Variants in CNTNAP5 observed in about 807,000 individuals in gnomAD.
CNTNAP5 encodes the protein contactin associated protein family member 5.
CNTNAP5 carries 72 observed loss-of-function variants against 150.2 expected under a neutral mutation model. The ratio of observed to expected loss-of-function variants is 0.48; its 90% CI spans 0.40 to 0.58. The LOEUF is 0.58. Ranked by LOEUF, CNTNAP5 falls within the 20% of genes least tolerant of loss-of-function variation. The pLI, the probability that CNTNAP5 is intolerant of heterozygous loss-of-function variation, is 0.00. For missense variants in CNTNAP5, 1,636 were observed against 1,626.2 expected (o/e 1.01, Z -0.10); for synonymous variants, 672 against 619.8 (o/e 1.08, Z -1.25).
At chr2:124,062,603 A>G (rs1682041675) in intron 1 of CNTNAP5, among the ~76,000 whole-genome samples, 1 of 152,200 alleles carries the variant, frequency 6.6e-6, no homozygotes. Flanking sequence ...GCTCCAGAGC[A>G]TAGTAGATGC....
At chr2:124,176,008 AATGTGGAAACGAACACACTAGT>A (rs1685054795) in intron 1 of CNTNAP5, among the ~76,000 whole-genome samples, 1 of 152,186 alleles carries the variant, frequency 6.6e-6, no homozygotes, top group Non-Finnish European at 1.5e-5. Flanking sequence ...TATAAATTAA[AATGTGGAAACGAACACACTAGT>A]TTGGTAGTCC....
chr2:124,437,555 A>G (rs777611614), intron 5 of CNTNAP5, among the ~76,000 whole-genome samples: 7 of 152,206 alleles, frequency 4.6e-5, no homozygotes, highest in Non-Finnish European at 1.0e-4. Context: ...TAATATAAAA[A>G]AAAGAAAAAT....
intron 13 of CNTNAP5, among the ~76,000 whole-genome samples, chr2:124,685,194 G>C (rs1179301862): frequency 6.6e-6 from 1 of 152,142 alleles, no homozygotes; most frequent in Non-Finnish European, 1.5e-5. Flanking sequence ...GATACTTCTT[G>C]TAATTCTGAC....
chr2:124,479,643 C>T (rs967750835), intron 7 of CNTNAP5, among the ~76,000 whole-genome samples: 7 of 152,164 alleles, frequency 4.6e-5, no homozygotes, highest in African/African-American at 1.2e-4. Context: ...ATGGCCAATA[C>T]TAAGCCAATA....
intron 3 of CNTNAP5, among the ~76,000 whole-genome samples, chr2:124,270,761 CA>C (rs34887572): frequency 6.6e-6 from 1 of 151,962 alleles, no homozygotes; most frequent in Non-Finnish European, 1.5e-5. Flanking sequence ...ATTCCTTATC[CA>C]AAAAAGTCAT....
chr2:124,165,414 A>C (rs1453720749), intron 1 of CNTNAP5, among the ~76,000 whole-genome samples: 1 of 152,164 alleles, frequency 6.6e-6, no homozygotes, highest in African/African-American at 2.4e-5. Context: ...AAGGTTTTGA[A>C]CTGGTTCCCT....
At chr2:124,713,996 TG>T (rs764377840) in intron 13 of CNTNAP5, among the ~76,000 whole-genome samples, 2 of 152,100 alleles carry the variant, frequency 1.3e-5, no homozygotes, top group Non-Finnish European at 2.9e-5. Context: ...TTTGCACATG[TG>T]GTTATTATTA....
intron 6 of CNTNAP5, among the ~76,000 whole-genome samples, chr2:124,450,618 C>T (rs1692945889): frequency 6.8e-6 from 1 of 147,532 alleles, no homozygotes; most frequent in African/African-American, 2.5e-5. Context: ...ATTAAAATGT[C>T]TTCTCAGTTT....
At chr2:124,376,450 G>T (rs754209088) in intron 3 of CNTNAP5, among the ~76,000 whole-genome samples, 1 of 152,066 alleles carries the variant, frequency 6.6e-6, no homozygotes, top group African/African-American at 2.4e-5. Context: ...AGAATAGAAG[G>T]TCTCTGAGAT....
intron 13 of CNTNAP5, among the ~76,000 whole-genome samples, chr2:124,693,827 C>CA (rs140893750): frequency 0.14 from 13,549 of 100,254 alleles, 856 homozygotes; most frequent in Non-Finnish European, 0.19. Flanking sequence ...CAAAAGAAAG[C>CA]AAAAAAAAAA....
At chr2:124,632,144 C>G (rs971418514) in intron 12 of CNTNAP5, among the ~76,000 whole-genome samples, 1 of 152,094 alleles carries the variant, frequency 6.6e-6, no homozygotes, top group African/African-American at 2.4e-5. Flanking sequence ...GACAGTGTGG[C>G]AATTCCTCAA....
intron 1 of CNTNAP5, among the ~76,000 whole-genome samples, chr2:124,172,856 C>A (rs947655074): frequency 6.6e-6 from 1 of 151,888 alleles, no homozygotes; most frequent in East Asian, 1.9e-4. Flanking sequence ...ATACAGGGCA[C>A]CTCACTTTTT....
chr2:124,445,854 T>C (rs1460252182), intron 5 of CNTNAP5, among the ~76,000 whole-genome samples: 1 of 152,190 alleles, frequency 6.6e-6, no homozygotes, highest in Non-Finnish European at 1.5e-5. Flanking sequence ...TAATTGTTCA[T>C]TTTGCTAAGG....
At chr2:124,260,339 T>A (rs995964065) in intron 3 of CNTNAP5, among the ~76,000 whole-genome samples, 2 of 152,200 alleles carry the variant, frequency 1.3e-5, no homozygotes, top group Non-Finnish European at 2.9e-5. Flanking sequence ...ACTGGATCCC[T>A]TCCTTACACC....
intron 14 of CNTNAP5, among the ~76,000 whole-genome samples, chr2:124,750,557 G>GGC (rs1680702056): frequency 6.6e-6 from 1 of 152,172 alleles, no homozygotes; most frequent in African/African-American, 2.4e-5. Context: ...CTGTGTGCCA[G>GGC]ACGGATAGTC....
At chr2:124,278,937 G>A (rs1687950015) in intron 3 of CNTNAP5, among the ~76,000 whole-genome samples, 1 of 152,108 alleles carries the variant, frequency 6.6e-6, no homozygotes, top group African/African-American at 2.4e-5. Flanking sequence ...TAGGATGTAT[G>A]TAGAATTTGT....
At chr2:124,037,292 A>C (rs1212880117) in intron 1 of CNTNAP5, among the ~76,000 whole-genome samples, 1 of 152,216 alleles carries the variant, frequency 6.6e-6, no homozygotes, top group African/African-American at 2.4e-5. Context: ...CACTAAGTGC[A>C]GTATTTTTAT....
intron 6 of CNTNAP5, among the ~76,000 whole-genome samples, chr2:124,466,833 C>T (rs1048801496): frequency 1.3e-5 from 2 of 152,140 alleles, no homozygotes; most frequent in African/African-American, 4.8e-5. Context: ...ATACAATCTC[C>T]ATTCAGTATC....
intron 3 of CNTNAP5, among the ~76,000 whole-genome samples, chr2:124,373,387 A>T (rs1690575790): frequency 6.6e-6 from 1 of 152,174 alleles, no homozygotes; most frequent in Admixed American, 6.6e-5. Flanking sequence ...ATTATAAAAG[A>T]AACAGATCAA....
Sources: gnomAD v4.1 joint callset for allele counts (sites outside exome capture counted in the v4.1 genomes callset) on GRCh38, gnomAD v4.1.1 for gene constraint, MANE v1.5 for transcripts, NCBI Gene and HGNC (gene_info 2026-07-23, HGNC 2026-07-21) for gene names.